SLC4A4: variants seen among roughly 807,000 people sequenced by gnomAD.
SLC4A4 encodes the protein electrogenic sodium bicarbonate cotransporter 1.
A neutral mutation model predicts 111.5 loss-of-function variants in SLC4A4; 27 were observed. The ratio of observed to expected loss-of-function variants is 0.24; its 90% CI spans 0.18 to 0.33. The LOEUF (loss-of-function observed/expected upper bound fraction) is 0.33, where lower values mean the gene tolerates loss of function less well. SLC4A4 is among the 10% of genes least tolerant of loss of function. The probability of loss-of-function intolerance (pLI) is 1.00; values close to 1 mark genes in which losing one functional copy is unlikely to be tolerated. For missense variants in SLC4A4, 909 were observed against 1,315.5 expected (o/e 0.69, Z 4.78); for synonymous variants, 443 against 463.4 (o/e 0.96, Z 0.57).
At chr4:71,246,882 G>A (rs1720701837) in intron 2 of SLC4A4, among the ~76,000 whole-genome samples, 1 of 152,056 alleles carries the variant, frequency 6.6e-6, no homozygotes, top group African/African-American at 2.4e-5. Context: ...TTGCCTATTT[G>A]ACTTTAGTTA....
rs375410198 is a variant in SLC4A4, at chr4:71,209,788, T to C, written c.-2+22387T>C. On this transcript the variant is annotated intron_variant, in intron 1 of 25. Coordinates refer to ENST00000264485, the MANE Select transcript of SLC4A4 (RefSeq NM_001098484.3). ...CTGACTTTGCTATTGTGGTGAGTTA[T>C]GCTTAAAAATTGGAAAAATAAATTA... 1.9e-4 allele frequency among the ~76,000 whole-genome samples: 29 copies of C among 152,302 alleles called. No homozygotes were observed. The South Asian group carries it at 2.7e-3, about 14-fold the overall frequency.
chr4:71,286,920 AG>A (rs1425804272), intron 3 of SLC4A4, among the ~76,000 whole-genome samples: 1 of 151,726 alleles, frequency 6.6e-6, no homozygotes, highest in African/African-American at 2.4e-5. Flanking sequence ...AATTATTATG[AG>A]TTTTTTTTTT....
At chr4:71,125,761 C>T (rs945322265) in intron 2 of SLC4A4, among the ~76,000 whole-genome samples, 2 of 152,128 alleles carry the variant, frequency 1.3e-5, no homozygotes, top group Admixed American at 6.5e-5. Context: ...ATGAAAAGGA[C>T]AGATTCAGGT....
intron 2 of SLC4A4, among the ~76,000 whole-genome samples, chr4:71,099,899 C>G (rs1419641356): frequency 1.3e-5 from 2 of 152,030 alleles, no homozygotes; most frequent in African/African-American, 4.8e-5. Context: ...CAAGACTGAA[C>G]CAGGAAGAAA....
intron 15 of SLC4A4, among the ~76,000 whole-genome samples, chr4:71,491,683 T>C (rs1346240937): frequency 6.6e-6 from 1 of 151,822 alleles, no homozygotes; most frequent in Non-Finnish European, 1.5e-5. Context: ...ATAATAATTA[T>C]CTTACTTATT....
chr4:71,376,977 C>G (rs917359055), intron 6 of SLC4A4, among the ~76,000 whole-genome samples: 3 of 152,152 alleles, frequency 2.0e-5, no homozygotes, highest in African/African-American at 7.2e-5. Flanking sequence ...AAATGTGAAA[C>G]AGTGCCTTTC....
intron 3 of SLC4A4, among the ~76,000 whole-genome samples, chr4:71,263,388 G>A (rs1449434123): frequency 6.6e-6 from 1 of 152,138 alleles, no homozygotes; most frequent in Non-Finnish European, 1.5e-5. Flanking sequence ...TCATTCAGAT[G>A]TATGTCATCT....
chr4:71,313,804 A>G (rs549132585), intron 3 of SLC4A4, among the ~76,000 whole-genome samples: 2 of 152,306 alleles, frequency 1.3e-5, no homozygotes, highest in Admixed American at 6.5e-5. Context: ...AAAACCTAAA[A>G]CTGTAAAAAC....
chr4:71,194,624 C>G (rs1745901762), intron 1 of SLC4A4, among the ~76,000 whole-genome samples: 3 of 152,160 alleles, frequency 2.0e-5, no homozygotes, highest in Admixed American at 1.3e-4. Flanking sequence ...AAGTAACACA[C>G]ACGACTTGGA....
chr4:71,097,084 G>A (rs546848771), intron 2 of SLC4A4, among the ~76,000 whole-genome samples: 8 of 152,286 alleles, frequency 5.3e-5, no homozygotes, highest in African/African-American at 1.9e-4. Flanking sequence ...GCCAACTCAT[G>A]TCATGGGGGT....
chr4:71,363,324 T>G (rs1730968078), intron 6 of SLC4A4, among the ~76,000 whole-genome samples: 1 of 152,198 alleles, frequency 6.6e-6, no homozygotes. Context: ...ATTCAGACTA[T>G]TTGGTTTGAT....
At chr4:71,515,020 G>T (rs750501374) in intron 16 of SLC4A4, among the ~76,000 whole-genome samples, 27 of 151,562 alleles carry the variant, frequency 1.8e-4, no homozygotes, top group Admixed American at 5.3e-4. Flanking sequence ...TTTTTTTCCT[G>T]ATAGTTGTGG....
In SLC4A4 at chr4:71,344,356, C is replaced by A. The variant is rs1426729112; in HGVS notation, c.389+4851C>A. ...GTAACCTTTACTATCTGGGACATAC[C>A]CTGCTGTCAGAATGTTTTTGCAGTA... is the stretch of plus-strand genomic sequence containing the variant. On this transcript the variant is annotated intron_variant, in intron 4 of 25. Transcript: ENST00000264485. Among the ~76,000 whole-genome samples, 16 of 151,958 alleles carry A rather than the reference C, an allele frequency of 1.1e-4. No homozygotes were observed. The East Asian group carries it at 3.1e-3, about 29-fold the overall frequency.
At chr4:71,452,319 A>G (rs1425617308) in intron 11 of SLC4A4, among the ~76,000 whole-genome samples, 1 of 152,088 alleles carries the variant, frequency 6.6e-6, no homozygotes, top group East Asian at 1.9e-4. Flanking sequence ...TATTTCCATT[A>G]GGAATATCCT....
rs79790241 is a variant in SLC4A4, at chr4:71,341,891, A to G, written c.389+2386A>G. On this transcript the variant is annotated intron_variant, in intron 4 of 25. Transcript: ENST00000264485. ...ACTGATGGAGAATTTCTTATCTTTCATAACTTAAACAATGCCCAGAAAAAA... is the reference window on the plus strand; with the variant it reads ...ACTGATGGAGAATTTCTTATCTTTCGTAACTTAAACAATGCCCAGAAAAAA... 2.6e-4 allele frequency among the ~76,000 whole-genome samples: 39 copies of G among 152,122 alleles called. No homozygotes were observed. The East Asian group carries it at 7.3e-3, about 29-fold the overall frequency.
chr4:71,241,840 A>T (rs1027089547), intron 2 of SLC4A4, among the ~76,000 whole-genome samples: 1 of 152,210 alleles, frequency 6.6e-6, no homozygotes, highest in Non-Finnish European at 1.5e-5. Context: ...GAATAGTAAC[A>T]TAGGTTTCCC....
chr4:71,189,594 C>T (rs2148993600), intron 1 of SLC4A4, among the ~76,000 whole-genome samples: 1 of 152,274 alleles, frequency 6.6e-6, no homozygotes, highest in South Asian at 2.1e-4. Flanking sequence ...AGAGTGATAT[C>T]TGGCCATAGC....
chr4:71,201,852 G>A (rs1223885563), intron 1 of SLC4A4, among the ~76,000 whole-genome samples: 1 of 152,220 alleles, frequency 6.6e-6, no homozygotes, highest in Non-Finnish European at 1.5e-5. Context: ...CCAGAAGAAA[G>A]ATGCAAAAGA....
At chr4:71,536,461 T>TATATATAC (rs1329104861) in intron 18 of SLC4A4, among the ~76,000 whole-genome samples, 1 of 53,572 alleles carries the variant, frequency 1.9e-5, no homozygotes, top group Non-Finnish European at 3.8e-5. Context: ...TATATACATA[T>TATATATAC]ATACATATAT....
Sources: gnomAD v4.1 joint callset for allele counts (sites outside exome capture counted in the v4.1 genomes callset) on GRCh38, gnomAD v4.1.1 for gene constraint, MANE v1.5 for transcripts, NCBI Gene and HGNC (gene_info 2026-07-23, HGNC 2026-07-21) for gene names.